PRTFDC1: variants seen among roughly 807,000 people sequenced by gnomAD.
PRTFDC1 encodes the protein phosphoribosyltransferase domain-containing protein 1.
In PRTFDC1, 38 loss-of-function variants were observed where a neutral mutation model predicts 34.6. The ratio of observed to expected loss-of-function variants is 1.10; its 90% CI spans 0.85 to 1.44. The LOEUF (loss-of-function observed/expected upper bound fraction) is 1.44, where lower values mean the gene tolerates loss of function less well. PRTFDC1 is among the 40% of genes most tolerant of loss of function. The pLI is 0.00. For missense variants in PRTFDC1, 270 were observed against 283.0 expected, an observed-to-expected ratio of 0.95 and a Z score of 0.33; for synonymous variants, 93 against 98.1, an observed-to-expected ratio of 0.95 and a Z score of 0.31.
At chr10:24,894,317 T>C (rs1848313513) in intron 3 of PRTFDC1, among the ~76,000 whole-genome samples, 1 of 131,434 alleles carries the variant, frequency 7.6e-6, no homozygotes, top group Admixed American at 8.7e-5. Context: ...GCGACAGAGC[T>C]AGACTCAATC....
intron 3 of PRTFDC1, among the ~76,000 whole-genome samples, chr10:24,932,046 G>T (rs2132600072): frequency 6.6e-6 from 1 of 151,942 alleles, no homozygotes. Context: ...TTAATGGAAA[G>T]ATAGTCCAAC....
chr10:24,864,381 T>A (rs1025415891), intron 4 of PRTFDC1, among the ~76,000 whole-genome samples: 4 of 152,196 alleles, frequency 2.6e-5, no homozygotes, highest in Admixed American at 6.5e-5. Flanking sequence ...GAGAAATCTT[T>A]CATGAAAGGA....
intron 3 of PRTFDC1, among the ~76,000 whole-genome samples, chr10:24,927,906 C>G (rs1848906004): frequency 6.6e-6 from 1 of 152,050 alleles, no homozygotes; most frequent in African/African-American, 2.4e-5. Context: ...TTTAAATGAC[C>G]AAAGAGTAAA....
chr10:24,862,558 A>G (rs1362439849), intron 4 of PRTFDC1, among the ~76,000 whole-genome samples: 1 of 152,050 alleles, frequency 6.6e-6, no homozygotes, highest in Admixed American at 6.6e-5. Flanking sequence ...TATTTTTAGT[A>G]GAGATGGGGT....
At chr10:24,879,557 A>G (rs1408694912) in intron 3 of PRTFDC1, among the ~76,000 whole-genome samples, 1 of 151,964 alleles carries the variant, frequency 6.6e-6, no homozygotes, top group Non-Finnish European at 1.5e-5. Context: ...CATGTCGGCT[A>G]GGCTGGTCTG....
intron 3 of PRTFDC1, among the ~76,000 whole-genome samples, chr10:24,872,306 G>A (rs1847884484): frequency 6.6e-6 from 1 of 152,146 alleles, no homozygotes; most frequent in Non-Finnish European, 1.5e-5. Flanking sequence ...GGAGAGAGGA[G>A]AGAGGACAGA....
At chr10:24,926,656 C>T (rs943111361) in intron 3 of PRTFDC1, among the ~76,000 whole-genome samples, 2 of 152,212 alleles carry the variant, frequency 1.3e-5, no homozygotes, top group African/African-American at 2.4e-5. Context: ...GCCATTTCAT[C>T]CATCTTTCAA....
chr10:24,921,158 G>C (rs1848781312), intron 3 of PRTFDC1, among the ~76,000 whole-genome samples: 2 of 152,052 alleles, frequency 1.3e-5, no homozygotes, highest in African/African-American at 2.4e-5. Flanking sequence ...TCAGGGCTCA[G>C]ATATCGCTGG....
chr10:24,935,949 C>A (rs191172361), intron 3 of PRTFDC1, among the ~76,000 whole-genome samples: 1 of 152,314 alleles, frequency 6.6e-6, no homozygotes, highest in Non-Finnish European at 1.5e-5. Flanking sequence ...AACTAACACA[C>A]TGATTTCATC....
intron 4 of PRTFDC1, among the ~76,000 whole-genome samples, chr10:24,869,604 A>C (rs1332515723): frequency 6.6e-6 from 1 of 152,236 alleles, no homozygotes; most frequent in Non-Finnish European, 1.5e-5. Flanking sequence ...ATTTGGTGTT[A>C]TGCCAAGGCA....
At chr10:24,924,029 G>C (rs192160642) in intron 3 of PRTFDC1, among the ~76,000 whole-genome samples, 1 of 152,106 alleles carries the variant, frequency 6.6e-6, no homozygotes, top group Non-Finnish European at 1.5e-5. Flanking sequence ...TAGCTGATTC[G>C]ATCAAGTAGA....
rs191896723 is a variant in PRTFDC1, at chr10:24,884,410, G to A, written c.340-12347C>T. Among the ~76,000 whole-genome samples, 350 of 152,132 alleles carry A rather than the reference G, an allele frequency of 2.3e-3. 2 individuals are homozygous for A. Among genetic ancestry groups the A allele is most frequent in the Non-Finnish European group, 4.9e-4 (33 of 68,006 alleles). On this transcript the variant is annotated intron_variant, in intron 3 of 8. Coordinates refer to ENST00000320152, the MANE Select transcript of PRTFDC1 (RefSeq NM_020200.7). ...AATCTATCTTCATGTCCATGCTACC[G>A]TATTTGGGCCCAAAAAGTTGAGCTC...
intron 7 of PRTFDC1, 52 bp downstream of exon 7, chr10:24,855,266 C>A (rs1847552363): frequency 5.2e-6 from 8 of 1,537,858 alleles, no homozygotes; most frequent in Non-Finnish European, 7.2e-6. Flanking sequence ...AAATGAAACA[C>A]CATAAGCACA....
At chr10:24,879,414 G>T (rs1172522565) in intron 3 of PRTFDC1, among the ~76,000 whole-genome samples, 6 of 152,052 alleles carry the variant, frequency 3.9e-5, no homozygotes, top group Non-Finnish European at 8.8e-5. Flanking sequence ...TGCGACCTTG[G>T]CTCACTGCAA....
intron 3 of PRTFDC1, among the ~76,000 whole-genome samples, chr10:24,888,678 T>A (rs1848210809): frequency 6.6e-6 from 1 of 152,212 alleles, no homozygotes; most frequent in South Asian, 2.1e-4. Flanking sequence ...ATTTACTGGG[T>A]TCACATTTTC....
Position 24,937,315 on chromosome 10 carries a change from T to C in PRTFDC1, c.208A>G (p.Met70Val), listed in dbSNP as rs770067491. The C allele has an allele frequency of 3.1e-6, 5 of 1,614,020 alleles. No homozygotes were observed. The highest frequency in any genetic ancestry group is 1.3e-5 in the African/African-American group (1 of 75,004). ...CCTCCTTTAAGCACACACAGGACCA[T>C]GATGTCACTATATCCTATGTCTTTC... is the stretch of plus-strand genomic sequence containing the variant. ...IMKDIGYSDIMVLCVLKGGYK... is the reference protein window; with the variant it reads ...IMKDIGYSDIVVLCVLKGGYK... Residue 70 changes from methionine (M) to valine (V), a missense_variant, in exon 3 of 9, where the codon ATG becomes GTG. Physicochemically the swap from Met to Val is conservative, Grantham distance 21. Coordinates refer to ENST00000320152, the MANE Select transcript of PRTFDC1 (RefSeq NM_020200.7).
At chr10:24,908,514 C>G (rs1324965850) in intron 3 of PRTFDC1, 2 of 1,612,392 alleles carry the variant, frequency 1.2e-6, no homozygotes, top group African/African-American at 2.7e-5. Context: ...TAATTCTGCT[C>G]TGATCTTGGT....
chr10:24,939,509 A>G (rs974134471), intron 2 of PRTFDC1, among the ~76,000 whole-genome samples: 1 of 152,024 alleles, frequency 6.6e-6, no homozygotes. Flanking sequence ...ATTGCCCACA[A>G]GAAGCTCACT....
chr10:24,891,960 A>G (rs1188513012), intron 3 of PRTFDC1, among the ~76,000 whole-genome samples: 1 of 152,178 alleles, frequency 6.6e-6, no homozygotes, highest in Non-Finnish European at 1.5e-5. Context: ...CACAAATGAC[A>G]AGATTTCATT....
Sources: allele counts gnomAD v4.1 joint callset (sites outside exome capture counted in the v4.1 genomes callset), GRCh38; gene constraint gnomAD v4.1.1; transcripts MANE v1.5; gene names NCBI Gene and HGNC (gene_info 2026-07-23, HGNC 2026-07-21).